Variants in ABCB11 observed in about 807,000 individuals in gnomAD.
The protein encoded by ABCB11 is bile salt export pump.
Under a neutral mutation model 148.0 loss-of-function variants are expected in ABCB11, and 95 were observed. The observed-to-expected ratio is 0.64, with a 90% CI of 0.54 to 0.76. The LOEUF is 0.76. Ranked by LOEUF, ABCB11 falls within the 30% of genes least tolerant of loss-of-function variation. The pLI is 0.00. For synonymous variants in ABCB11, 591 were observed against 555.4 expected (o/e 1.06, Z -0.90); for missense variants, 1,523 against 1,617.8 (o/e 0.94, Z 1.01).
rs1036256992 is a variant in ABCB11, at chr2:168,972,412, T to C, written c.1435-362A>G. 2.6e-5 allele frequency among the ~76,000 whole-genome samples: 4 copies of C among 150,966 alleles called. No homozygotes were observed. In the Admixed American group the frequency reaches 2.7e-4, roughly 10 times the overall value. On this transcript the variant is annotated intron_variant, in intron 13 of 27. Coordinates refer to ENST00000650372, the MANE Select transcript of ABCB11 (RefSeq NM_003742.4). Reference sequence around the variant, plus strand: ...TTGACAAAAATGGACTCAAAAGATATAATAAAAATAAACAATGATCCCTAT... The same window carrying C: ...TTGACAAAAATGGACTCAAAAGATACAATAAAAATAAACAATGATCCCTAT...
chr2:169,018,121 G>A lies in ABCB11; in HGVS notation c.5C>T (p.Ser2Phe), dbSNP rs1168198973. The A allele has an allele frequency of 6.2e-7, 1 of 1,613,550 alleles. No homozygotes were observed. The highest frequency in any genetic ancestry group is 2.2e-5 in the East Asian group (1 of 44,846). M[S>F]DSVILRSIKK... Reference sequence around the variant, plus strand: ...TATACTTCGAAGAATTACTGAGTCAGACATGGTAATTGCAACCCACAGCCA... The same window carrying A: ...TATACTTCGAAGAATTACTGAGTCAAACATGGTAATTGCAACCCACAGCCA... The change falls in exon 2 of 28, where the codon TCT (serine) becomes TTT (phenylalanine). Residue 2 changes from serine (S) to phenylalanine (F), a missense_variant. By Grantham distance (155) the Ser-to-Phe change is radical. Coordinates refer to ENST00000650372, the MANE Select transcript of ABCB11 (RefSeq NM_003742.4).
intron 18 of ABCB11, among the ~76,000 whole-genome samples, chr2:168,962,374 C>T (rs1419569726): frequency 7.3e-5 from 11 of 151,510 alleles, no homozygotes; most frequent in Non-Finnish European, 1.3e-4. Flanking sequence ...AAAACTAGAC[C>T]GTATATTAGA....
chr2:168,970,167 G>A lies in ABCB11; in HGVS notation c.1687C>T (p.Gln563Ter), dbSNP rs1693517014. 1 of 1,612,554 alleles carries A rather than the reference G, an allele frequency of 6.2e-7. No homozygotes were observed. The highest frequency in any genetic ancestry group is 1.1e-5 in the South Asian group (1 of 91,044). ...GEGGGQMSGG[Q>*]KQRVAIARAL... ...CTGGCGATAGCTACCCTTTGTTTCTGGCCACCACTCATCTGGCCTCCTCCT... is the reference window on the plus strand; with the variant it reads ...CTGGCGATAGCTACCCTTTGTTTCTAGCCACCACTCATCTGGCCTCCTCCT... Residue 563 changes from glutamine to a stop codon, truncating the protein, a stop_gained, in exon 15 of 28, where the codon CAG (glutamine) becomes TAG (stop). Transcript: ENST00000650372. LOFTEE classifies it high-confidence loss of function.
In ABCB11 at chr2:168,922,558, A is replaced by G. The variant is rs1213411956; in HGVS notation, c.*1064T>C. Among the ~76,000 whole-genome samples the G allele has an allele frequency of 1.3e-5, 2 of 152,148 alleles. No individual in the cohort carries two copies. The highest frequency in any genetic ancestry group is 4.8e-5 in the African/African-American group (2 of 41,424). ...AACAGGATGTTTCTAGGCTCCCCCA[A>G]CTAACAGGTTACATTTTTGTTTTCT... On this transcript the variant is annotated 3_prime_UTR_variant, in exon 28 of 28. Transcript: ENST00000650372.
intron 5 of ABCB11, 35 bp downstream of exon 5, chr2:169,013,236 CA>C (rs1378602109): frequency 6.6e-7 from 1 of 1,522,090 alleles, no homozygotes; most frequent in African/African-American, 1.4e-5. Flanking sequence ...AAGATATGAG[CA>C]AAAAAGTAAA....
chr2:168,935,928 C>T (rs942026538), intron 22 of ABCB11, among the ~76,000 whole-genome samples: 1 of 152,148 alleles, frequency 6.6e-6, no homozygotes. Flanking sequence ...AACTATCCAC[C>T]CCTGCAAATG....
At chr2:168,924,912 C>G in intron 26 of ABCB11, 109 bp from the exon 27 acceptor site, 1 of 920,682 alleles carries the variant, frequency 1.1e-6, no homozygotes, top group Non-Finnish European at 1.5e-6. Flanking sequence ...GTTTGTTGAA[C>G]TAGGGAACAG....
intron 5 of ABCB11, among the ~76,000 whole-genome samples, chr2:169,012,373 C>T (rs1449328854): frequency 2.0e-5 from 3 of 152,084 alleles, no homozygotes; most frequent in Admixed American, 1.3e-4. Context: ...TACAAGGTGG[C>T]CTGTCAGGCT....
At chr2:168,941,156 T>A (rs1002770213) in intron 21 of ABCB11, among the ~76,000 whole-genome samples, 1 of 151,950 alleles carries the variant, frequency 6.6e-6, no homozygotes, top group Non-Finnish European at 1.5e-5. Context: ...AGAAGTAACA[T>A]TTTACAAGGC....
chr2:168,991,497 T>C (rs1694521650), intron 8 of ABCB11, among the ~76,000 whole-genome samples: 1 of 152,048 alleles, frequency 6.6e-6, no homozygotes, highest in Non-Finnish European at 1.5e-5. Context: ...ACACATTACT[T>C]TTTCTAAAAC....
At chr2:168,961,792 A>C (rs16856300) in intron 18 of ABCB11, among the ~76,000 whole-genome samples, 60,673 of 151,416 alleles carry the variant, frequency 0.4, 12,375 homozygotes, top group South Asian at 0.56. Flanking sequence ...AATGGTTCTA[A>C]GTTTTAGAGT....
At position 168,970,147 on chromosome 2, in the gene ABCB11, G is replaced by A. The variant is rs773712534; in HGVS notation, c.1707C>T (p.Ile569=). Residue 569 remains isoleucine, a synonymous_variant, in exon 15 of 28, where the codon ATC becomes ATT. Transcript: ENST00000650372. ...MSGGQKQRVA[I]ARALIRNPKI... is the part of the protein sequence containing the mutation. Reference sequence around the variant, plus strand: ...TGGGATTTCGGATGAGGGCTCTGGCGATAGCTACCCTTTGTTTCTGGCCAC... The same window carrying A: ...TGGGATTTCGGATGAGGGCTCTGGCAATAGCTACCCTTTGTTTCTGGCCAC... The A allele has an allele frequency of 9.9e-6, 16 of 1,612,780 alleles. No homozygotes were observed. In the East Asian group the frequency reaches 2.7e-4, roughly 27 times the overall value.
At chr2:168,992,017 T>A (rs1694543159) in intron 8 of ABCB11, among the ~76,000 whole-genome samples, 1 of 150,588 alleles carries the variant, frequency 6.6e-6, no homozygotes, top group African/African-American at 2.4e-5. Context: ...AAAAAAAATT[T>A]TTTTTTTTTT....
rs1691539882 is a variant in ABCB11, at chr2:168,930,866, T to C, written c.3214-4A>G. The C allele has an allele frequency of 6.3e-7, 1 of 1,587,010 alleles. No homozygotes were observed. The highest frequency in any genetic ancestry group is 1.1e-5 in the South Asian group (1 of 87,282). ...CAATCTTCCCCTGGAAGTTGTCCTG[T>C]GGATGGGAGGATCAAAATTAGAGAT... On this transcript the variant is annotated splice_region_variant and splice_polypyrimidine_tract_variant and intron_variant, in intron 24 of 27. Coordinates refer to ENST00000650372, the MANE Select transcript of ABCB11 (RefSeq NM_003742.4).
chr2:168,967,665 T>C (rs1693376800), intron 17 of ABCB11, among the ~76,000 whole-genome samples: 1 of 151,870 alleles, frequency 6.6e-6, no homozygotes, highest in Non-Finnish European at 1.5e-5. Context: ...TACCATCTCA[T>C]TGCCTTTTAA....
At chr2:168,952,108 T>A (rs1193902709) in intron 19 of ABCB11, among the ~76,000 whole-genome samples, 1 of 151,778 alleles carries the variant, frequency 6.6e-6, no homozygotes, top group Non-Finnish European at 1.5e-5. Context: ...GTGTGTTATC[T>A]TTTTGATGTG....
At chr2:169,001,218 A>G (rs77046537) in intron 5 of ABCB11, among the ~76,000 whole-genome samples, 1 of 152,318 alleles carries the variant, frequency 6.6e-6, no homozygotes, top group South Asian at 2.1e-4. Flanking sequence ...ACCATAAAAC[A>G]TAATTCAGAA....
At chr2:168,945,387 G>A (rs571179695) in intron 19 of ABCB11, among the ~76,000 whole-genome samples, 11 of 151,938 alleles carry the variant, frequency 7.2e-5, no homozygotes, top group South Asian at 2.1e-4. Flanking sequence ...TCTGTGGGGC[G>A]GAAAACCTGG....
intron 1 of ABCB11, among the ~76,000 whole-genome samples, chr2:169,024,656 T>C (rs1033993419): frequency 1.3e-5 from 2 of 152,188 alleles, no homozygotes; most frequent in African/African-American, 2.4e-5. Flanking sequence ...ATTTTTCACC[T>C]AATTCCTTTT....
Sources: gnomAD v4.1 joint callset for allele counts (sites outside exome capture counted in the v4.1 genomes callset) on GRCh38, gnomAD v4.1.1 for gene constraint, MANE v1.5 for transcripts, NCBI Gene and HGNC (gene_info 2026-07-23, HGNC 2026-07-21) for gene names.